Variants in ACSM4 observed in about 807,000 individuals in gnomAD.
ACSM4 encodes the protein acyl-coenzyme A synthetase ACSM4, mitochondrial.
Under a neutral mutation model 73.0 loss-of-function variants are expected in ACSM4, and 66 were observed. That is an observed-to-expected ratio of 0.90 (90% CI 0.74 to 1.11). The LOEUF (loss-of-function observed/expected upper bound fraction) is 1.11. Ranked by LOEUF, ACSM4 falls within the 50% of genes least tolerant of loss-of-function variation. ACSM4 has a pLI of 0.00. For missense variants in ACSM4, 645 were observed against 714.4 expected (o/e 0.90, Z 1.11); for synonymous variants, 222 against 254.0 (o/e 0.87, Z 1.20).
Position 7,304,348 on chromosome 12 carries a change from G to C in ACSM4, c.17G>C (p.Arg6Pro), listed in dbSNP as rs772162110. 5 of 1,613,682 alleles carry C rather than the reference G, an allele frequency of 3.1e-6. No individual in the cohort carries two copies. The highest frequency in any genetic ancestry group is 3.4e-6 in the Non-Finnish European group (4 of 1,179,786). MKIFF[R>P]YQTFRFIWLT... ...TTGGGAACCATGAAGATTTTTTTCC[G>C]CTACCAGACATTTAGATTCATCTGG... The change falls in exon 1 of 13, where the codon CGC (arginine) becomes CCC (proline). Residue 6 changes from arginine to proline, a missense_variant. Coordinates refer to ENST00000399422, the MANE Select transcript of ACSM4 (RefSeq NM_001080454.2).
chr12:7,315,252 T>C (rs944786691), intron 3 of ACSM4, among the ~76,000 whole-genome samples: 4 of 151,704 alleles, frequency 2.6e-5, no homozygotes, highest in Non-Finnish European at 5.9e-5. Flanking sequence ...ATGTCACTCA[T>C]TCACCATCAA....
intron 3 of ACSM4, among the ~76,000 whole-genome samples, chr12:7,311,027 G>A (rs1039378206): frequency 1.2e-4 from 18 of 151,956 alleles, no homozygotes; most frequent in African/African-American, 2.4e-4. Context: ...TTAGCTGGGC[G>A]TGGTGATGCC....
At chr12:7,311,044 T>A (rs1336895531) in intron 3 of ACSM4, among the ~76,000 whole-genome samples, 1 of 152,046 alleles carries the variant, frequency 6.6e-6, no homozygotes, top group African/African-American at 2.4e-5. Context: ...TGCCTGCCTG[T>A]AATCCTAATT....
chr12:7,309,997 T>C (rs901628726), intron 2 of ACSM4, among the ~76,000 whole-genome samples: 2 of 152,170 alleles, frequency 1.3e-5, no homozygotes, highest in African/African-American at 4.8e-5. Context: ...TTGCTCGGGG[T>C]GGTCTCGAAC....
chr12:7,312,372 T>G (rs1355076591), intron 3 of ACSM4, among the ~76,000 whole-genome samples: 2 of 152,224 alleles, frequency 1.3e-5, no homozygotes, highest in Non-Finnish European at 2.9e-5. Context: ...GAAAGTGTTT[T>G]TCAAGCTGTG....
chr12:7,322,670 G>A lies in ACSM4; in HGVS notation c.1125+129G>A, dbSNP rs886688643. On this transcript the variant is annotated intron_variant, in intron 7 of 12. Coordinates refer to ENST00000399422, the MANE Select transcript of ACSM4 (RefSeq NM_001080454.2). ...AGAGTTTCCCGGGATACCTCACCTT[G>A]CCAGTAGTTACCAAAACTTGCAGAT... The A allele has an allele frequency of 4.1e-6, 5 of 1,205,362 alleles. No individual in the cohort carries two copies. The African/African-American group carries it at 6.2e-5, about 15-fold the overall frequency. 74.7% of individuals were successfully genotyped at this position (1,205,362 alleles called of 1,614,324 possible). A position where few individuals can be genotyped will look rare whatever the true frequency, so the allele number is the denominator to read the frequency against.
At chr12:7,324,110 C>T (rs1039947376) in intron 9 of ACSM4, among the ~76,000 whole-genome samples, 163 bp from the exon 10 acceptor site, 2 of 151,168 alleles carry the variant, frequency 1.3e-5, no homozygotes, top group African/African-American at 2.4e-5. Context: ...CCCAGGAGGT[C>T]GAGGCTGCAG....
rs778808405 is a variant in ACSM4, at chr12:7,323,300, C to A, written c.1192C>A (p.Pro398Thr). The change falls in exon 8 of 13, where the codon CCC (proline) becomes ACC (threonine). Residue 398 changes from proline (P) to threonine (T), a missense_variant. Coordinates refer to ENST00000399422, the MANE Select transcript of ACSM4 (RefSeq NM_001080454.2). ...AGGTTCAATGGGGAAAGGAATGCTGCCCTATGATGTCCAGGTAGGTTGAGA... is the reference window on the plus strand; with the variant it reads ...AGGTTCAATGGGGAAAGGAATGCTGACCTATGATGTCCAGGTAGGTTGAGA... ...KPGSMGKGML[P>T]YDVQIIDENG... 6.2e-7 allele frequency: 1 copy of A among 1,610,752 alleles called. No individual in the cohort carries two copies.
intron 2 of ACSM4, 100 bp downstream of exon 2, chr12:7,306,843 AAGAC>A: frequency 1.3e-5 from 12 of 903,458 alleles, no homozygotes; most frequent in South Asian, 4.1e-5. Context: ...ATGCATACAG[AAGAC>A]AAAAAAAAAA....
At chr12:7,326,782 C>T (rs966618153) in intron 11 of ACSM4, among the ~76,000 whole-genome samples, 194 bp from the exon 12 acceptor site, 3 of 152,194 alleles carry the variant, frequency 2.0e-5, no homozygotes, top group Admixed American at 6.5e-5. Flanking sequence ...TCATAAACCA[C>T]TTACCTGAAA....
At chr12:7,312,543 T>C (rs1450175687) in intron 3 of ACSM4, among the ~76,000 whole-genome samples, 1 of 152,202 alleles carries the variant, frequency 6.6e-6, no homozygotes, top group African/African-American at 2.4e-5. Flanking sequence ...TGAAATTTTA[T>C]CCTACTAATT....
chr12:7,328,186 C>T (rs780606931), intron 12 of ACSM4, 101 bp from the exon 13 acceptor site: 2 of 860,972 alleles, frequency 2.3e-6, no homozygotes, highest in Non-Finnish European at 3.5e-6. Context: ...ATAATCTCGA[C>T]TTTAAAATTC....
chr12:7,313,405 T>G (rs1946401791), intron 3 of ACSM4, among the ~76,000 whole-genome samples: 1 of 152,192 alleles, frequency 6.6e-6, no homozygotes, highest in African/African-American at 2.4e-5. Flanking sequence ...GATAGCCGTC[T>G]CATTGCCAAC....
intron 2 of ACSM4, 21 bp from the exon 3 acceptor site, chr12:7,310,518 A>G: frequency 5.0e-6 from 8 of 1,585,446 alleles, no homozygotes; most frequent in Non-Finnish European, 8.6e-7. Flanking sequence ...TGTTCAGTGC[A>G]GGGCCCTCTG....
rs373732984 is a variant in ACSM4, at chr12:7,322,451, C to T, written c.1035C>T (p.Thr345=). 9.4e-5 allele frequency: 151 copies of T among 1,613,766 alleles called. No homozygotes were observed. The highest frequency in any genetic ancestry group is 1.2e-4 in the South Asian group (11 of 91,076). The stretch of plus-strand genomic sequence containing the variant: ...TCAAGAGTCTGCGGCACTGCTTGAC[C>T]GGAGGGGAGCCACTCAACCCAGAAG... ...YKFKSLRHCL[T]GGEPLNPEVL... The change falls in exon 7 of 13, where the codon ACC becomes ACT. Residue 345 remains threonine, a synonymous_variant. Coordinates refer to ENST00000399422, the MANE Select transcript of ACSM4 (RefSeq NM_001080454.2).
chr12:7,306,756 A>C lies in ACSM4; in HGVS notation c.412+13A>C, dbSNP rs746685468. The C allele has an allele frequency of 1.3e-6, 2 of 1,596,062 alleles. No homozygotes were observed. On this transcript the variant is annotated intron_variant, in intron 2 of 12. Transcript: ENST00000399422. The stretch of plus-strand genomic sequence containing the variant: ...TGCATACGAACAGGTCAGTGCCAAT[A>C]TTAGCATTCTAAATCACACAAACAC...
chr12:7,308,185 T>C (rs1946371705), intron 2 of ACSM4, among the ~76,000 whole-genome samples: 1 of 152,178 alleles, frequency 6.6e-6, no homozygotes, highest in African/African-American at 2.4e-5. Context: ...TTATATAAAA[T>C]TCGTTTATAT....
intron 6 of ACSM4, 94 bp from the exon 7 acceptor site, chr12:7,322,324 A>G: frequency 6.4e-7 from 1 of 1,554,412 alleles, no homozygotes; most frequent in Non-Finnish European, 8.9e-7. Flanking sequence ...TGCCTCTCCT[A>G]GCTGCTATGC....
At chr12:7,304,621 C>A in intron 1 of ACSM4, 89 bp downstream of exon 1, 1 of 1,346,144 alleles carries the variant, frequency 7.4e-7, no homozygotes, top group Non-Finnish European at 1.0e-6. Context: ...CCACTTAATT[C>A]CAATGCACTC....
Sources: gnomAD v4.1 joint callset for allele counts (sites outside exome capture counted in the v4.1 genomes callset) on GRCh38, gnomAD v4.1.1 for gene constraint, MANE v1.5 for transcripts, NCBI Gene and HGNC (gene_info 2026-07-23, HGNC 2026-07-21) for gene names.